SLCO3A1: variants seen among roughly 807,000 people sequenced by gnomAD.
The protein encoded by SLCO3A1 is solute carrier organic anion transporter family member 3A1, also known as PGE1 transporter.
Under a neutral mutation model 63.1 loss-of-function variants are expected in SLCO3A1, and 27 were observed. The observed-to-expected ratio is 0.43, with a 90% CI of 0.32 to 0.59. SLCO3A1 has a LOEUF of 0.59. Ranked by LOEUF, SLCO3A1 falls within the 20% of genes least tolerant of loss-of-function variation. SLCO3A1 has a pLI of 0.09. For synonymous variants in SLCO3A1, 473 were observed against 409.9 expected, an observed-to-expected ratio of 1.15 and a Z score of -1.86; for missense variants, 773 against 945.8, an observed-to-expected ratio of 0.82 and a Z score of 2.40.
rs1187947479 is a variant in SLCO3A1 at position 91,900,463 on chromosome 15, G to A, written c.181-15530G>A. Among the ~76,000 whole-genome samples, 7 of 152,192 alleles carry A rather than the reference G, an allele frequency of 4.6e-5. No individual in the cohort carries two copies. The East Asian group carries it at 1.2e-3, about 25-fold the overall frequency. Reference sequence around the variant, plus strand: ...TCCTGCCTCAGCCTCCCCAGTAGCTGGGATTACAGGTGCATGCCACTGTGC... The same window carrying A: ...TCCTGCCTCAGCCTCCCCAGTAGCTAGGATTACAGGTGCATGCCACTGTGC... On this transcript the variant is annotated intron_variant, in intron 1 of 9. Coordinates refer to ENST00000318445, the MANE Select transcript of SLCO3A1 (RefSeq NM_013272.4). The surrounding 1 kb of genome is among the most constrained non-coding windows in gnomAD (Gnocchi z 4.3).
intron 2 of SLCO3A1, among the ~76,000 whole-genome samples, chr15:92,017,289 G>GGC (rs1326823844): frequency 1.3e-5 from 2 of 152,076 alleles, no homozygotes; most frequent in Non-Finnish European, 2.9e-5. Flanking sequence ...TGGGATTGGG[G>GGC]GGGGGTAGGG....
At chr15:92,068,900 C>T (rs1231184071) in intron 2 of SLCO3A1, among the ~76,000 whole-genome samples, 1 of 152,170 alleles carries the variant, frequency 6.6e-6, no homozygotes, top group African/African-American at 2.4e-5. Context: ...CCTCATTCGC[C>T]CCACCTGTAA....
intron 2 of SLCO3A1, among the ~76,000 whole-genome samples, chr15:92,031,511 G>A (rs1035208888): frequency 5.3e-5 from 8 of 152,154 alleles, no homozygotes; most frequent in Admixed American, 5.2e-4. Context: ...GGTTTTGGGA[G>A]CATCATTTCG....
intron 2 of SLCO3A1, among the ~76,000 whole-genome samples, chr15:92,064,182 C>G (rs375702881): frequency 4.6e-5 from 7 of 152,206 alleles, no homozygotes; most frequent in Non-Finnish European, 7.4e-5. Flanking sequence ...AACTTGGCTT[C>G]GAGGTCCTCC....
chr15:91,903,189 C>G (rs1041938322), intron 1 of SLCO3A1, among the ~76,000 whole-genome samples: 34 of 152,282 alleles, frequency 2.2e-4, no homozygotes, highest in African/African-American at 7.9e-4. Flanking sequence ...GAGGACAGCT[C>G]TCAGAGTAAC....
In SLCO3A1 at chr15:92,163,119, T is replaced by C; in HGVS notation, c.2117T>C (p.Met706Thr). 2 of 1,524,022 alleles carry C rather than the reference T, an allele frequency of 1.3e-6. No individual in the cohort carries two copies. Among genetic ancestry groups the C allele is most frequent in the Non-Finnish European group, 1.8e-6 (2 of 1,137,918 alleles). 94.4% of individuals were successfully genotyped at this position (1,524,022 alleles called of 1,614,324 possible). Reference sequence around the variant, plus strand: ...GAAGACCATGAGTGGTGTGAAAACATGGAGTCCGTTTTATAGTGACTAAAG... The same window carrying C: ...GAAGACCATGAGTGGTGTGAAAACACGGAGTCCGTTTTATAGTGACTAAAG... ...NLEDHEWCEN[M>T]ESVL Residue 706 changes from methionine to threonine, a missense_variant, in exon 10 of 10, where the codon ATG (methionine) becomes ACG (threonine). Around this residue, in one of 3 missense-constraint regions of SLCO3A1, gnomAD observed 139 missense variants for 131.4 expected, o/e 1.06. Transcript: ENST00000318445.
Position 91,892,812 on chromosome 15 carries a change from T to G in SLCO3A1, c.181-23181T>G, listed in dbSNP as rs73549415. On this transcript the variant is annotated intron_variant, in intron 1 of 9. Transcript: ENST00000318445. ...CCCCAGTAAGTTTCTGAAATCTCTC[T>G]GTGCTGAAATTTCCTTGTACGTAAA... 3.5e-3 allele frequency among the ~76,000 whole-genome samples: 529 copies of G among 152,372 alleles called. 5 individuals carry two copies. Among genetic ancestry groups the G allele is most frequent in the African/African-American group, 0.012 (511 of 41,584 alleles).
intron 2 of SLCO3A1, among the ~76,000 whole-genome samples, chr15:92,025,565 T>G (rs2046563321): frequency 1.3e-5 from 2 of 152,244 alleles, no homozygotes. Flanking sequence ...CCAGGCACTT[T>G]CCATTCTTGC....
chr15:91,943,911 C>T (rs1280358882), intron 2 of SLCO3A1, among the ~76,000 whole-genome samples: 7 of 152,278 alleles, frequency 4.6e-5, no homozygotes, highest in Admixed American at 4.6e-4. Flanking sequence ...GACTGCCTCC[C>T]ATGTTGCTTG....
chr15:92,157,264 AAAAG>A (rs1324311567), intron 9 of SLCO3A1: 1 of 152,130 alleles, frequency 6.6e-6, no homozygotes, highest in Non-Finnish European at 1.5e-5. Flanking sequence ...CAAGATAAAA[AAAAG>A]AGAGAGAACT....
At chr15:91,991,254 C>T (rs912342503) in intron 2 of SLCO3A1, among the ~76,000 whole-genome samples, 2 of 151,958 alleles carry the variant, frequency 1.3e-5, no homozygotes, top group Non-Finnish European at 2.9e-5. Flanking sequence ...ATGGTCCTAG[C>T]TACTCAGGAG....
intron 1 of SLCO3A1, among the ~76,000 whole-genome samples, chr15:91,892,826 C>G (rs1283613718): frequency 2.6e-5 from 4 of 152,190 alleles, no homozygotes; most frequent in Non-Finnish European, 5.9e-5. Context: ...CTGAAATTTC[C>G]TTGTACGTAA....
At chr15:91,961,757 C>T (rs924018155) in intron 2 of SLCO3A1, among the ~76,000 whole-genome samples, 7 of 152,182 alleles carry the variant, frequency 4.6e-5, no homozygotes, top group African/African-American at 1.2e-4. Context: ...CACATATTGC[C>T]ATCTAGCATA....
intron 1 of SLCO3A1, among the ~76,000 whole-genome samples, chr15:91,891,140 GAAA>G (rs72116786): frequency 3.9e-4 from 55 of 141,962 alleles, no homozygotes; most frequent in African/African-American, 1.3e-3. Context: ...TGGCATTTTG[GAAA>G]AAAAAAAAAA....
At chr15:91,977,769 A>G (rs1225109527) in intron 2 of SLCO3A1, among the ~76,000 whole-genome samples, 2 of 152,236 alleles carry the variant, frequency 1.3e-5, no homozygotes, top group Non-Finnish European at 2.9e-5. Context: ...TATTTTGGAC[A>G]ATAGCGTCCT....
chr15:92,044,853 A>T (rs979304003), intron 2 of SLCO3A1, among the ~76,000 whole-genome samples: 1 of 152,078 alleles, frequency 6.6e-6, no homozygotes, highest in African/African-American at 2.4e-5. Context: ...CAGATCTTCT[A>T]AGGTTGTCCC....
chr15:91,934,047 C>T (rs1460277934), intron 2 of SLCO3A1, among the ~76,000 whole-genome samples: 2 of 152,092 alleles, frequency 1.3e-5, no homozygotes, highest in African/African-American at 4.8e-5. Context: ...AAGCTAAAAA[C>T]TTAGACTGTT....
intron 2 of SLCO3A1, among the ~76,000 whole-genome samples, chr15:91,996,672 A>C (rs915201426): frequency 6.6e-6 from 1 of 152,166 alleles, no homozygotes; most frequent in Admixed American, 6.5e-5. Context: ...GAACTGCCTA[A>C]TGTGCTCAAA....
chr15:91,943,003 A>G (rs1899676478), intron 2 of SLCO3A1, among the ~76,000 whole-genome samples: 1 of 152,156 alleles, frequency 6.6e-6, no homozygotes, highest in Non-Finnish European at 1.5e-5. Flanking sequence ...ATCTCCCTTG[A>G]CCTTCTGTCC....
Sources: gnomAD v4.1 joint callset for allele counts (sites outside exome capture counted in the v4.1 genomes callset) on GRCh38, gnomAD v4.1.1 for gene constraint, gnomAD v4.1.1 regional missense constraint, Gnocchi (gnomAD v3.1) non-coding constraint, MANE v1.5 for transcripts, NCBI Gene and HGNC (gene_info 2026-07-23, HGNC 2026-07-21) for gene names.